MMP16: variants seen among roughly 807,000 people sequenced by gnomAD.
The protein encoded by MMP16 is matrix metallopeptidase 16, also known as matrix metalloproteinase-16.
MMP16 carries 12 observed loss-of-function variants against 67.8 expected under a neutral mutation model. That is an observed-to-expected ratio of 0.18 (90% CI 0.11 to 0.29). MMP16 has a LOEUF of 0.29. Among genes scored for constraint, MMP16 ranks in the 10% least tolerant of loss-of-function variants. MMP16 has a pLI of 1.00. For missense variants in MMP16, 475 were observed against 765.7 expected (o/e 0.62, Z 4.48); for synonymous variants, 249 against 255.9 (o/e 0.97, Z 0.26).
At chr8:88,246,775 T>C (rs1032912179) in intron 1 of MMP16, among the ~76,000 whole-genome samples, 1 of 152,172 alleles carries the variant, frequency 6.6e-6, no homozygotes, top group Non-Finnish European at 1.5e-5. Flanking sequence ...ACTATTTAAT[T>C]AGAATAAACT....
intron 1 of MMP16, among the ~76,000 whole-genome samples, chr8:88,214,575 G>A (rs1809559787): frequency 6.6e-6 from 1 of 151,712 alleles, no homozygotes; most frequent in South Asian, 2.1e-4. Context: ...GTATATATAT[G>A]GAATGACTAA....
intron 4 of MMP16, among the ~76,000 whole-genome samples, chr8:88,135,504 G>A (rs1249081152): frequency 6.6e-6 from 1 of 151,808 alleles, no homozygotes; most frequent in Non-Finnish European, 1.5e-5. Flanking sequence ...TTTGTTGTGG[G>A]ACTGAGTCTT....
chr8:88,111,192 T>G (rs1364050884), intron 6 of MMP16, among the ~76,000 whole-genome samples: 1 of 151,688 alleles, frequency 6.6e-6, no homozygotes, highest in Non-Finnish European at 1.5e-5. Flanking sequence ...AGAGAGAATT[T>G]TTCTAAGGGT....
At chr8:88,288,683 C>A (rs1329148992) in intron 1 of MMP16, among the ~76,000 whole-genome samples, 1 of 152,152 alleles carries the variant, frequency 6.6e-6, no homozygotes, top group East Asian at 1.9e-4. Context: ...GAGAGAAATT[C>A]TCATATATTC....
At chr8:88,047,798 G>T (rs945166522) in intron 8 of MMP16, among the ~76,000 whole-genome samples, 7 of 152,178 alleles carry the variant, frequency 4.6e-5, no homozygotes, top group Admixed American at 4.6e-4. Context: ...TAAACTTATG[G>T]CTAAGTGTTG....
intron 1 of MMP16, among the ~76,000 whole-genome samples, chr8:88,267,499 T>G (rs1249424831): frequency 6.6e-6 from 1 of 152,234 alleles, no homozygotes; most frequent in African/African-American, 2.4e-5. Context: ...AATTTCTGTA[T>G]GCTAAGAACC....
intron 3 of MMP16, among the ~76,000 whole-genome samples, chr8:88,180,378 T>G (rs1170486214): frequency 6.7e-6 from 1 of 149,742 alleles, no homozygotes; most frequent in Non-Finnish European, 1.5e-5. Context: ...AGTCCTGCTA[T>G]ATGTTTCCTG....
At position 88,033,077 on chromosome 8, in the gene MMP16, C is replaced by A. The variant is rs1182376850; in HGVS notation, c.*8384G>T. 6.6e-6 allele frequency: 1 copy of A among 151,780 alleles called. No individual in the cohort carries two copies. Among genetic ancestry groups the A allele is most frequent in the Non-Finnish European group, 1.5e-5 (1 of 67,866 alleles). 9.4% of individuals were successfully genotyped at this position (151,780 alleles called of 1,614,324 possible). The stretch of plus-strand genomic sequence containing the variant: ...AATAAAGTCTGTATTAATTTTAATT[C>A]TTTTACTTTCCCATAACCACAATAT... On this transcript the variant is annotated 3_prime_UTR_variant, in exon 10 of 10. Coordinates refer to ENST00000286614, the MANE Select transcript of MMP16 (RefSeq NM_005941.5).
At chr8:88,055,417 A>G (rs934785922) in intron 8 of MMP16, among the ~76,000 whole-genome samples, 6 of 152,178 alleles carry the variant, frequency 3.9e-5, no homozygotes, top group African/African-American at 1.2e-4. Flanking sequence ...CATGTTGGCC[A>G]GGCTGGTCTC....
At position 88,036,438 on chromosome 8, in the gene MMP16, T is replaced by A. The variant is rs1234264475; in HGVS notation, c.*5023A>T. On this transcript the variant is annotated 3_prime_UTR_variant, in exon 10 of 10. Transcript: ENST00000286614. Reference sequence around the variant, plus strand: ...ATATAAATATGAAAGCTAAATATAATAATTAGCTTTCATATTTGTTGCGTT... The same window carrying A: ...ATATAAATATGAAAGCTAAATATAAAAATTAGCTTTCATATTTGTTGCGTT... 1 of 151,892 alleles carries A rather than the reference T, an allele frequency of 6.6e-6. No individual in the cohort carries two copies. Among genetic ancestry groups the A allele is most frequent in the Non-Finnish European group, 1.5e-5 (1 of 67,846 alleles). The allele number at this position is 151,892 out of a possible 1,614,324, so 9.4% of individuals were successfully genotyped here. A position where few individuals can be genotyped will look rare whatever the true frequency, so the allele number is the denominator to read the frequency against.
chr8:88,238,074 T>C (rs892792294), intron 1 of MMP16, among the ~76,000 whole-genome samples: 2 of 152,216 alleles, frequency 1.3e-5, no homozygotes, highest in African/African-American at 4.8e-5. Context: ...CTATTGTGTT[T>C]ATGAAAGTTA....
At chr8:88,156,781 T>C (rs1398798578) in intron 4 of MMP16, among the ~76,000 whole-genome samples, 1 of 152,150 alleles carries the variant, frequency 6.6e-6, no homozygotes, top group Non-Finnish European at 1.5e-5. Flanking sequence ...TCATTTTGTC[T>C]TGTTGATGTC....
intron 1 of MMP16, among the ~76,000 whole-genome samples, chr8:88,302,451 C>T (rs1298259145): frequency 6.6e-6 from 1 of 152,124 alleles, no homozygotes; most frequent in Non-Finnish European, 1.5e-5. Context: ...TATCTGCGCA[C>T]AAAATAAAGT....
At chr8:88,065,860 A>T (rs1021645934) in intron 7 of MMP16, among the ~76,000 whole-genome samples, 12 of 152,156 alleles carry the variant, frequency 7.9e-5, no homozygotes, top group Admixed American at 7.2e-4. Flanking sequence ...ACCATTTCTT[A>T]ACAAACAGTT....
intron 6 of MMP16, among the ~76,000 whole-genome samples, chr8:88,102,246 T>C (rs1372212396): frequency 2.6e-5 from 4 of 151,864 alleles, no homozygotes; most frequent in Non-Finnish European, 5.9e-5. Flanking sequence ...GTGGCAACTC[T>C]GGACCCACAG....
chr8:88,061,800 G>T (rs1054974421), intron 7 of MMP16, among the ~76,000 whole-genome samples: 3 of 151,646 alleles, frequency 2.0e-5, no homozygotes, highest in Admixed American at 1.3e-4. Flanking sequence ...TGTACTGTTG[G>T]TCTAGTATTT....
At chr8:88,189,326 A>G (rs1416678934) in intron 2 of MMP16, among the ~76,000 whole-genome samples, 4 of 152,146 alleles carry the variant, frequency 2.6e-5, no homozygotes, top group African/African-American at 9.7e-5. Flanking sequence ...TGTAATACAA[A>G]GAAAATCATG....
intron 1 of MMP16, among the ~76,000 whole-genome samples, chr8:88,294,561 T>C (rs999219559): frequency 6.6e-6 from 1 of 151,434 alleles, no homozygotes; most frequent in African/African-American, 2.4e-5. Flanking sequence ...TATGTCTCTA[T>C]ACACACATAT....
Position 88,228,976 on chromosome 8 carries a change from C to G in MMP16, c.133-31670G>C, listed in dbSNP as rs147849571. Reference sequence around the variant, plus strand: ...AGGAGTTGAAGACCAACCTGGGCAACATCTATGACCTCGTCTCTATGAAAA... The same window carrying G: ...AGGAGTTGAAGACCAACCTGGGCAAGATCTATGACCTCGTCTCTATGAAAA... On this transcript the variant is annotated intron_variant, in intron 1 of 9. Coordinates refer to ENST00000286614, the MANE Select transcript of MMP16 (RefSeq NM_005941.5). Among the ~76,000 whole-genome samples the G allele has an allele frequency of 3.0e-3, 453 of 151,494 alleles. 4 individuals are homozygous for G. The highest frequency in any genetic ancestry group is 0.011 in the African/African-American group (434 of 41,292).
Sources: allele counts gnomAD v4.1 joint callset (sites outside exome capture counted in the v4.1 genomes callset), GRCh38; gene constraint gnomAD v4.1.1; transcripts MANE v1.5; gene names NCBI Gene and HGNC (gene_info 2026-07-23, HGNC 2026-07-21).